The following C12orf54 variants were observed in gnomAD, a reference collection of about 807,000 sequenced individuals.
C12orf54 encodes uncharacterized protein C12orf54.
C12orf54 carries 24 observed loss-of-function variants against 26.4 expected under a neutral mutation model. That is an observed-to-expected ratio of 0.91 (90% CI 0.66 to 1.28). The LOEUF (loss-of-function observed/expected upper bound fraction) is 1.28, where lower values mean the gene tolerates loss of function less well. C12orf54 is among the 50% of genes most tolerant of loss of function. C12orf54 has a pLI of 0.00. For synonymous variants in C12orf54, 54 were observed against 47.0 expected, an observed-to-expected ratio of 1.15 and a Z score of -0.61; for missense variants, 154 against 150.9, an observed-to-expected ratio of 1.02 and a Z score of -0.11.
upstream of C12orf54, among the ~76,000 whole-genome samples, chr12:48,479,223 G>T (rs1592196269): frequency 6.6e-6 from 1 of 152,112 alleles, no homozygotes; most frequent in Admixed American, 6.6e-5. Flanking sequence ...GGACATGGAT[G>T]AAACAGGAAA....
At chr12:48,471,451 T>C in the C12orf54 span, among the ~76,000 whole-genome samples, 6 of 152,176 alleles carry the variant, frequency 3.9e-5, no homozygotes, top group African/African-American at 1.4e-4. Flanking sequence ...TTGGGGCATA[T>C]TTTCTAGGAT....
chr12:48,414,526 T>A, the C12orf54 span, among the ~76,000 whole-genome samples: 1 of 152,268 alleles, frequency 6.6e-6, no homozygotes, highest in South Asian at 2.1e-4. Context: ...TATCCTCTTT[T>A]TCTTCCTCCT....
chr12:48,459,825 C>T, the C12orf54 span, among the ~76,000 whole-genome samples: 3 of 152,254 alleles, frequency 2.0e-5, no homozygotes, highest in East Asian at 5.8e-4. Flanking sequence ...CTTAATTCTC[C>T]AGGCAGTGAT....
chr12:48,449,698 G>T, the C12orf54 span, among the ~76,000 whole-genome samples: 23 of 152,264 alleles, frequency 1.5e-4, no homozygotes, highest in Admixed American at 1.4e-3. Flanking sequence ...GATCTGTTGA[G>T]ATAACCTGAT....
the C12orf54 span, among the ~76,000 whole-genome samples, chr12:48,434,501 G>A: frequency 6.6e-6 from 1 of 152,212 alleles, no homozygotes; most frequent in Non-Finnish European, 1.5e-5. Context: ...GCCTAACTAG[G>A]AGGCATCCCC....
At chr12:48,474,276 C>T in the C12orf54 span, among the ~76,000 whole-genome samples, 1 of 152,112 alleles carries the variant, frequency 6.6e-6, no homozygotes. Flanking sequence ...CCAAGATGGC[C>T]GAATGGGAAC....
At chr12:48,482,110 TC>T (rs1954204603), upstream of C12orf54, among the ~76,000 whole-genome samples, 1 of 152,192 alleles carries the variant, frequency 6.6e-6, no homozygotes, top group Admixed American at 6.5e-5. Flanking sequence ...CATTCACAAA[TC>T]TTTGGTGATT....
the C12orf54 span, among the ~76,000 whole-genome samples, chr12:48,418,925 G>GAA: frequency 6.7e-5 from 9 of 134,492 alleles, no homozygotes; most frequent in African/African-American, 1.7e-4. Flanking sequence ...ATTTTCTCCA[G>GAA]AAAAAAAAAA....
chr12:48,427,467 G>C, the C12orf54 span, among the ~76,000 whole-genome samples: 1 of 152,176 alleles, frequency 6.6e-6, no homozygotes, highest in East Asian at 1.9e-4. Flanking sequence ...TGTGCTGCTG[G>C]ATTCAGTTTG....
At chr12:48,469,226 G>A in the C12orf54 span, among the ~76,000 whole-genome samples, 1 of 152,318 alleles carries the variant, frequency 6.6e-6, no homozygotes, top group East Asian at 1.9e-4. Flanking sequence ...AAGCCTGGGG[G>A]CGCTGCAGGA....
the C12orf54 span, chr12:48,442,449 A>G: frequency 1.3e-5 from 2 of 154,266 alleles, no homozygotes; most frequent in African/African-American, 4.8e-5. Context: ...TGAGCCTCAC[A>G]GAAGTCTAAA....
At chr12:48,456,438 C>A in the C12orf54 span, among the ~76,000 whole-genome samples, 2 of 152,056 alleles carry the variant, frequency 1.3e-5, no homozygotes, top group East Asian at 3.9e-4. Flanking sequence ...AGTCTTAGAA[C>A]GAGGAGTGGC....
At chr12:48,456,649 T>A in the C12orf54 span, among the ~76,000 whole-genome samples, 1 of 152,212 alleles carries the variant, frequency 6.6e-6, no homozygotes, top group Non-Finnish European at 1.5e-5. Context: ...TTGTTCTCCA[T>A]GTTAGGTTGG....
At chr12:48,472,708 C>T in the C12orf54 span, 25 of 1,614,110 alleles carry the variant, frequency 1.5e-5, no homozygotes, top group African/African-American at 5.3e-5. Flanking sequence ...CGGAACAGGA[C>T]GCCCTCCGAT....
chr12:48,470,629 A>G, the C12orf54 span, among the ~76,000 whole-genome samples: 2 of 151,944 alleles, frequency 1.3e-5, no homozygotes, highest in African/African-American at 4.8e-5. Context: ...CTGTTTACTG[A>G]TGGCTTCTTT....
chr12:48,472,886 C>G, the C12orf54 span: 2,630 of 1,614,174 alleles, frequency 1.6e-3, 3 homozygotes, highest in Non-Finnish European at 2.0e-3. Flanking sequence ...TAAGCAGTAA[C>G]AGAGCCTCAG....
At chr12:48,485,996 C>G (rs1230553763) in intron 2 of C12orf54, among the ~76,000 whole-genome samples, 182 bp from the exon 3 acceptor site, 1 of 152,114 alleles carries the variant, frequency 6.6e-6, no homozygotes, top group Non-Finnish European at 1.5e-5. Flanking sequence ...GAAGATGAGG[C>G]AAGTATCTCT....
intron 7 of C12orf54, among the ~76,000 whole-genome samples, chr12:48,493,724 A>ATTTTCAAAAAGAAAATTAATGAAAGTT (rs1264547880): frequency 6.6e-6 from 1 of 152,086 alleles, no homozygotes; most frequent in African/African-American, 2.4e-5. Context: ...ACAAAAGTTA[A>ATTTTCAAAAAGAAAATTAATGAAAGTT]AATGCCCTAA....
intron 6 of C12orf54, 53 bp downstream of exon 6, chr12:48,490,889 G>A (rs1237646740): frequency 5.7e-6 from 9 of 1,586,568 alleles, no homozygotes; most frequent in Non-Finnish European, 7.8e-6. Context: ...AGGGGATTTG[G>A]AATTCAAGTC....
Sources: allele counts gnomAD v4.1 joint callset (sites outside exome capture counted in the v4.1 genomes callset), GRCh38; gene constraint gnomAD v4.1.1; transcripts MANE v1.5; gene names NCBI Gene and HGNC (gene_info 2026-07-23, HGNC 2026-07-21).